PALS2: variants seen among roughly 807,000 people sequenced by gnomAD.
The protein encoded by PALS2 is protein PALS2.
In PALS2, 27 loss-of-function variants were observed where a neutral mutation model predicts 61.6. The ratio of observed to expected loss-of-function variants is 0.44; its 90% CI spans 0.32 to 0.60. The LOEUF (loss-of-function observed/expected upper bound fraction) is 0.60, where lower values mean the gene tolerates loss of function less well. PALS2 is among the 20% of genes least tolerant of loss of function. The pLI, the probability that PALS2 is intolerant of heterozygous loss-of-function variation, is 0.05. For missense variants in PALS2, 554 were observed against 639.4 expected (o/e 0.87, Z 1.44); for synonymous variants, 236 against 218.6 (o/e 1.08, Z -0.70).
intron 9 of PALS2, among the ~76,000 whole-genome samples, chr7:24,671,997 T>A (rs956750542): frequency 1.3e-4 from 19 of 151,594 alleles, no homozygotes; most frequent in African/African-American, 4.6e-4. Context: ...TTCTTTCTTT[T>A]TCAGCTTGTT....
intron 5 of PALS2, among the ~76,000 whole-genome samples, chr7:24,657,006 T>G (rs1431361371): frequency 6.6e-6 from 1 of 152,220 alleles, no homozygotes; most frequent in Admixed American, 6.5e-5. Flanking sequence ...TTTGATTCGT[T>G]TGTTTAGCTT....
chr7:24,666,121 G>T, intron 8 of PALS2, 32 bp downstream of exon 8: 1 of 1,550,228 alleles, frequency 6.5e-7, no homozygotes. Flanking sequence ...AGAAGTCCAA[G>T]TGAAGTAGCT....
Position 24,641,788 on chromosome 7 carries a change from C to A in PALS2, c.190C>A (p.Leu64Ile), listed in dbSNP as rs769291787. ...DNNLELVNEI[L>I]EDITPLINVD... The stretch of plus-strand genomic sequence containing the variant: ...TAACTTGGAATTAGTCAATGAAATT[C>A]TTGAAGACATCACTCCTCTAATAAA... Residue 64 changes from leucine (L) to isoleucine (I), a missense_variant, in exon 3 of 12, where the codon CTT becomes ATT. Transcript: ENST00000222644. 1.1e-5 allele frequency: 18 copies of A among 1,612,664 alleles called. No individual in the cohort carries two copies. Among genetic ancestry groups the A allele is most frequent in the African/African-American group, 5.3e-5 (4 of 74,848 alleles).
chr7:24,625,057 T>C (rs111578651), intron 2 of PALS2, among the ~76,000 whole-genome samples: 5 of 152,320 alleles, frequency 3.3e-5, no homozygotes, highest in African/African-American at 1.2e-4. Flanking sequence ...TCATTAGATA[T>C]TTTTATATTT....
At chr7:24,681,167 G>A (rs1327242533) in intron 11 of PALS2, among the ~76,000 whole-genome samples, 1 of 151,738 alleles carries the variant, frequency 6.6e-6, no homozygotes, top group Non-Finnish European at 1.5e-5. Context: ...TTTATCATTG[G>A]TAAAGTGGGG....
At chr7:24,674,174 A>C (rs1787445261) in intron 9 of PALS2, 1 of 152,524 alleles carries the variant, frequency 6.6e-6, no homozygotes, top group African/African-American at 2.4e-5. Context: ...TTCCCTCCAC[A>C]ATGACCTTAA....
At chr7:24,613,199 G>A (rs1484410077) in intron 1 of PALS2, among the ~76,000 whole-genome samples, 1 of 151,616 alleles carries the variant, frequency 6.6e-6, no homozygotes, top group Non-Finnish European at 1.5e-5. Flanking sequence ...AGGTTTGATA[G>A]ACTTTATTCT....
intron 2 of PALS2, among the ~76,000 whole-genome samples, chr7:24,641,003 A>G (rs997384252): frequency 6.7e-4 from 60 of 89,540 alleles, no homozygotes; most frequent in Admixed American, 4.1e-3. Context: ...GCGAGACTCC[A>G]TCTCAAAAAA....
intron 1 of PALS2, among the ~76,000 whole-genome samples, chr7:24,586,198 G>C (rs1253170519): frequency 6.6e-6 from 1 of 151,796 alleles, no homozygotes; most frequent in African/African-American, 2.4e-5. Flanking sequence ...ACAAAGTTTA[G>C]CCATATTTAA....
At chr7:24,608,902 C>T (rs1784019559) in intron 1 of PALS2, among the ~76,000 whole-genome samples, 1 of 152,172 alleles carries the variant, frequency 6.6e-6, no homozygotes, top group Admixed American at 6.6e-5. Context: ...TGTGAGGCAG[C>T]ATGGCCAACC....
At chr7:24,592,558 C>G (rs1050679710) in intron 1 of PALS2, among the ~76,000 whole-genome samples, 1 of 152,048 alleles carries the variant, frequency 6.6e-6, no homozygotes. Context: ...GCTCACACTG[C>G]TTTGGTATTG....
intron 1 of PALS2, among the ~76,000 whole-genome samples, chr7:24,578,261 C>G (rs1231963611): frequency 6.6e-6 from 1 of 152,170 alleles, no homozygotes; most frequent in Non-Finnish European, 1.5e-5. Context: ...GATCTTGTCT[C>G]TTTTGATTAA....
At chr7:24,656,795 G>T (rs1786441729) in intron 5 of PALS2, among the ~76,000 whole-genome samples, 1 of 152,074 alleles carries the variant, frequency 6.6e-6, no homozygotes, top group South Asian at 2.1e-4. Context: ...GCCTGCTAAA[G>T]TGCTAGGATT....
Position 24,691,405 on chromosome 7 carries a change from G to GTGTGTGTGTATGTATA in PALS2, c.*3792_*3793insGTGTGTGTATGTATAT, listed in dbSNP as rs1274329385. ...ATATTATGTATGTGTGTGTGTGTGTGTATATATATATATATATATATATAT... is the reference window on the plus strand; with the variant it reads ...ATATTATGTATGTGTGTGTGTGTGTGTGTGTGTGTATGTATATATATATATATATATATATATATAT... On this transcript the variant is annotated 3_prime_UTR_variant, in exon 12 of 12. Transcript: ENST00000222644. The GTGTGTGTGTATGTATA allele has an allele frequency of 9.0e-6, 1 of 110,596 alleles. No individual in the cohort carries two copies. Among genetic ancestry groups the GTGTGTGTGTATGTATA allele is most frequent in the African/African-American group, 3.1e-5 (1 of 32,340 alleles). 6.9% of individuals were successfully genotyped at this position (110,596 alleles called of 1,614,324 possible). A position where few individuals can be genotyped will look rare whatever the true frequency, so the allele number is the denominator to read the frequency against.
At chr7:24,677,560 T>C (rs1254330662) in intron 9 of PALS2, among the ~76,000 whole-genome samples, 1 of 152,054 alleles carries the variant, frequency 6.6e-6, no homozygotes, top group East Asian at 1.9e-4. Flanking sequence ...ATACCTAATT[T>C]ATTGAGAGTT....
At chr7:24,593,786 C>T (rs1399903662) in intron 1 of PALS2, among the ~76,000 whole-genome samples, 10 of 151,968 alleles carry the variant, frequency 6.6e-5, no homozygotes, top group Non-Finnish European at 1.0e-4. Flanking sequence ...AGGTTTTGTT[C>T]CATTTATAGT....
intron 1 of PALS2, among the ~76,000 whole-genome samples, chr7:24,609,976 T>G (rs1270897253): frequency 6.6e-6 from 1 of 152,142 alleles, no homozygotes; most frequent in Non-Finnish European, 1.5e-5. Context: ...ATAAATTCAG[T>G]GTTTTTAAGA....
At chr7:24,576,049 CACTT>C (rs767249973) in intron 1 of PALS2, among the ~76,000 whole-genome samples, 1 of 151,960 alleles carries the variant, frequency 6.6e-6, no homozygotes, top group Non-Finnish European at 1.5e-5. Context: ...GAAGAATGAA[CACTT>C]ACCCATTTGA....
intron 1 of PALS2, among the ~76,000 whole-genome samples, chr7:24,588,655 T>G (rs908368751): frequency 1.3e-5 from 2 of 152,218 alleles, no homozygotes; most frequent in Non-Finnish European, 2.9e-5. Flanking sequence ...AGAATGATTT[T>G]ATTCTTGCTT....
Sources: allele counts gnomAD v4.1 joint callset (sites outside exome capture counted in the v4.1 genomes callset), GRCh38; gene constraint gnomAD v4.1.1; transcripts MANE v1.5; gene names NCBI Gene and HGNC (gene_info 2026-07-23, HGNC 2026-07-21).